Variants in SLC44A5 observed in about 807,000 individuals in gnomAD.
SLC44A5 encodes the protein choline transporter-like protein 5.
A neutral mutation model predicts 101.8 loss-of-function variants in SLC44A5; 57 were observed. The observed-to-expected ratio is 0.56, with a 90% confidence interval of 0.45 to 0.70. The LOEUF (loss-of-function observed/expected upper bound fraction) is 0.70, where lower values mean the gene tolerates loss of function less well. Among genes scored for constraint, SLC44A5 ranks in the 30% least tolerant of loss-of-function variants. The probability of loss-of-function intolerance (pLI) is 0.00; values close to 1 mark genes in which losing one functional copy is unlikely to be tolerated. For missense variants in SLC44A5, 737 were observed against 853.1 expected, an observed-to-expected ratio of 0.86 and a Z score of 1.70; for synonymous variants, 281 against 290.9, an observed-to-expected ratio of 0.97 and a Z score of 0.35.
At chr1:75,441,102 G>C (rs560985919) in intron 2 of SLC44A5, among the ~76,000 whole-genome samples, 40 of 152,152 alleles carry the variant, frequency 2.6e-4, no homozygotes, top group African/African-American at 9.4e-4. Context: ...TAAAGAGGAG[G>C]AATAAGATTT....
intron 18 of SLC44A5, among the ~76,000 whole-genome samples, chr1:75,216,850 A>G (rs956536637): frequency 2.0e-5 from 3 of 152,060 alleles, no homozygotes; most frequent in Non-Finnish European, 2.9e-5. Context: ...TGTTCTGGAT[A>G]TGAATTCCTT....
the SLC44A5 span, among the ~76,000 whole-genome samples, chr1:75,723,153 C>T: frequency 6.6e-6 from 1 of 152,140 alleles, no homozygotes; most frequent in Non-Finnish European, 1.5e-5. Context: ...AAACCGGACA[C>T]GGTAGTAGGG....
chr1:75,628,678 A>G, the SLC44A5 span, among the ~76,000 whole-genome samples: 3 of 152,222 alleles, frequency 2.0e-5, no homozygotes, highest in African/African-American at 4.8e-5. Context: ...GGTTCATGTC[A>G]TAACATTCAA....
chr1:75,515,249 T>A (rs1246892322), intron 2 of SLC44A5, among the ~76,000 whole-genome samples: 1 of 152,220 alleles, frequency 6.6e-6, no homozygotes, highest in East Asian at 1.9e-4. Context: ...AGCTAACATA[T>A]TCATCACGTC....
At chr1:75,713,076 A>T in the SLC44A5 span, among the ~76,000 whole-genome samples, 1 of 152,118 alleles carries the variant, frequency 6.6e-6, no homozygotes, top group African/African-American at 2.4e-5. Flanking sequence ...ATTTCAGCTC[A>T]TTCTCTCCAA....
chr1:75,296,215 G>A (rs1194343345), intron 5 of SLC44A5, among the ~76,000 whole-genome samples: 1 of 151,928 alleles, frequency 6.6e-6, no homozygotes, highest in Non-Finnish European at 1.5e-5. Flanking sequence ...GCTTTGGCTT[G>A]GTTCATTTCT....
At chr1:75,318,662 G>A (rs1041360634) in intron 4 of SLC44A5, among the ~76,000 whole-genome samples, 10 of 152,130 alleles carry the variant, frequency 6.6e-5, no homozygotes, top group Non-Finnish European at 2.9e-5. Flanking sequence ...TGACACATAA[G>A]CCAGGTTAAC....
At chr1:75,638,329 C>T in the SLC44A5 span, among the ~76,000 whole-genome samples, 1 of 152,026 alleles carries the variant, frequency 6.6e-6, no homozygotes, top group Non-Finnish European at 1.5e-5. Context: ...TAAGTAGAAT[C>T]TAGTTTTAAT....
At chr1:75,309,355 AGTTCACT>A (rs1557648152) in intron 4 of SLC44A5, among the ~76,000 whole-genome samples, 3 of 152,210 alleles carry the variant, frequency 2.0e-5, no homozygotes, top group Admixed American at 1.3e-4. Context: ...TGAGCTCACG[AGTTCACT>A]GTTGGAGTGA....
chr1:75,366,915 T>C (rs1659897392), intron 3 of SLC44A5, among the ~76,000 whole-genome samples: 1 of 148,850 alleles, frequency 6.7e-6, no homozygotes, highest in Non-Finnish European at 1.5e-5. Flanking sequence ...CTCATTGTGT[T>C]AATGCTCTGT....
intron 14 of SLC44A5, among the ~76,000 whole-genome samples, chr1:75,220,645 G>A (rs986540780): frequency 6.6e-6 from 1 of 152,004 alleles, no homozygotes. Flanking sequence ...GACATGGCTT[G>A]TGAAATGTTC....
At chr1:75,568,017 C>T (rs1015390615) in intron 1 of SLC44A5, among the ~76,000 whole-genome samples, 1 of 152,150 alleles carries the variant, frequency 6.6e-6, no homozygotes, top group Non-Finnish European at 1.5e-5. Context: ...TTATTAGTGA[C>T]TTTCCCCACT....
intron 2 of SLC44A5, among the ~76,000 whole-genome samples, chr1:75,424,781 A>T (rs866630157): frequency 6.6e-6 from 1 of 152,196 alleles, no homozygotes; most frequent in Non-Finnish European, 1.5e-5. Context: ...TCTGCAATCA[A>T]ATTGCAAGGA....
the SLC44A5 span, among the ~76,000 whole-genome samples, chr1:75,692,297 G>T: frequency 6.9e-6 from 1 of 145,386 alleles, no homozygotes; most frequent in South Asian, 2.2e-4. Context: ...GGGCTCAAGT[G>T]ATTCTCCTGC....
At chr1:75,374,821 A>G (rs1475151433) in intron 3 of SLC44A5, among the ~76,000 whole-genome samples, 1 of 152,154 alleles carries the variant, frequency 6.6e-6, no homozygotes, top group Non-Finnish European at 1.5e-5. Context: ...CACAACATAC[A>G]CCACAGTCAA....
chr1:75,575,381 A>C (rs147910022), intron 1 of SLC44A5, among the ~76,000 whole-genome samples: 1,559 of 152,286 alleles, frequency 0.01, 10 homozygotes, highest in Non-Finnish European at 0.016. Flanking sequence ...TTCTGATGGG[A>C]CCAACCACCA....
At chr1:75,530,303 C>T (rs1373359133) in intron 2 of SLC44A5, among the ~76,000 whole-genome samples, 2 of 152,036 alleles carry the variant, frequency 1.3e-5, no homozygotes, top group South Asian at 2.1e-4. Flanking sequence ...ATTCTGCTAC[C>T]AAAAATAAAA....
chr1:75,423,956 G>A (rs954679410), intron 2 of SLC44A5, among the ~76,000 whole-genome samples: 7 of 152,196 alleles, frequency 4.6e-5, no homozygotes, highest in African/African-American at 1.7e-4. Flanking sequence ...TTGCTTTGCT[G>A]GATGCCCCTA....
At chr1:75,546,612 C>T (rs1671666106) in intron 1 of SLC44A5, among the ~76,000 whole-genome samples, 1 of 152,080 alleles carries the variant, frequency 6.6e-6, no homozygotes, top group African/African-American at 2.4e-5. Flanking sequence ...GTTAAGGACA[C>T]CTACAGCCGA....
Sources: allele counts gnomAD v4.1 joint callset (sites outside exome capture counted in the v4.1 genomes callset), GRCh38; gene constraint gnomAD v4.1.1; transcripts MANE v1.5; gene names NCBI Gene and HGNC (gene_info 2026-07-23, HGNC 2026-07-21).